Variants in FAF1 observed in about 807,000 individuals in gnomAD.
FAF1 encodes the protein FAS-associated factor 1.
FAF1 carries 25 observed loss-of-function variants against 92.5 expected under a neutral mutation model. The observed-to-expected ratio is 0.27, with a 90% CI of 0.20 to 0.38. The LOEUF is 0.38. Ranked by LOEUF, FAF1 falls within the 10% of genes least tolerant of loss-of-function variation. The pLI, the probability that FAF1 is intolerant of heterozygous loss-of-function variation, is 1.00. For synonymous variants in FAF1, 234 were observed against 273.2 expected, an observed-to-expected ratio of 0.86 and a Z score of 1.42; for missense variants, 636 against 793.3, an observed-to-expected ratio of 0.80 and a Z score of 2.38.
At chr1:50,507,324 C>T (rs1557973769) in intron 15 of FAF1, among the ~76,000 whole-genome samples, 1 of 152,158 alleles carries the variant, frequency 6.6e-6, no homozygotes, top group Non-Finnish European at 1.5e-5. Flanking sequence ...TCAAAATCTG[C>T]CCCCAAAGCT....
rs547222444 is a variant in FAF1 at position 50,890,623 on chromosome 1, C to T, written c.46-32626G>A. On this transcript the variant is annotated intron_variant, in intron 1 of 18. Coordinates refer to ENST00000396153, the MANE Select transcript of FAF1 (RefSeq NM_007051.3). ...TTTTATTTCCCCTTCACTTATGAAG[C>T]TTAGTTTGGCTGGATATGAAATTCT... is the stretch of plus-strand genomic sequence containing the variant. 4.6e-5 allele frequency among the ~76,000 whole-genome samples: 7 copies of T among 152,280 alleles called. No individual in the cohort carries two copies. In the East Asian group the frequency reaches 9.6e-4, roughly 21 times the overall value.
chr1:50,909,263 T>G (rs923217543), intron 1 of FAF1, among the ~76,000 whole-genome samples: 4 of 152,348 alleles, frequency 2.6e-5, no homozygotes, highest in Non-Finnish European at 5.9e-5. Flanking sequence ...CTGATGGACT[T>G]CCCTTTGTGG....
chr1:50,776,966 A>C (rs1660986395), intron 4 of FAF1, among the ~76,000 whole-genome samples: 2 of 152,064 alleles, frequency 1.3e-5, no homozygotes, highest in African/African-American at 4.8e-5. Flanking sequence ...TTAAAAAAAA[A>C]TATACAGAAT....
At chr1:50,873,414 G>C (rs1259922336) in intron 1 of FAF1, among the ~76,000 whole-genome samples, 1 of 152,006 alleles carries the variant, frequency 6.6e-6, no homozygotes, top group Non-Finnish European at 1.5e-5. Context: ...GAATCTTCAC[G>C]AAAATTTTAC....
intron 2 of FAF1, among the ~76,000 whole-genome samples, chr1:50,821,011 T>C (rs1462288466): frequency 1.3e-5 from 2 of 152,232 alleles, no homozygotes; most frequent in East Asian, 1.9e-4. Context: ...GCAAAAGTAA[T>C]TGCGGTTTTT....
intron 4 of FAF1, among the ~76,000 whole-genome samples, chr1:50,751,964 G>T (rs1162898548): frequency 2.0e-5 from 3 of 152,038 alleles, no homozygotes; most frequent in Non-Finnish European, 4.4e-5. Flanking sequence ...TTGTGGGAAG[G>T]TTTTGTTTTT....
At chr1:50,452,418 A>G (rs1161877434) in intron 18 of FAF1, among the ~76,000 whole-genome samples, 1 of 152,168 alleles carries the variant, frequency 6.6e-6, no homozygotes, top group African/African-American at 2.4e-5. Context: ...CAGGAACCTC[A>G]GAGCTGGGTT....
chr1:50,486,816 A>G (rs1381608453), intron 17 of FAF1, among the ~76,000 whole-genome samples: 1 of 152,210 alleles, frequency 6.6e-6, no homozygotes, highest in African/African-American at 2.4e-5. Context: ...AGTGAATAAA[A>G]GATCTGAGAC....
chr1:50,787,130 A>C (rs758690303), intron 4 of FAF1, among the ~76,000 whole-genome samples: 2 of 152,230 alleles, frequency 1.3e-5, no homozygotes, highest in Non-Finnish European at 2.9e-5. Flanking sequence ...AGTTCAACAT[A>C]GTTAAACTAT....
intron 1 of FAF1, among the ~76,000 whole-genome samples, chr1:50,923,551 A>T (rs1213229852): frequency 6.6e-6 from 1 of 152,232 alleles, no homozygotes; most frequent in Non-Finnish European, 1.5e-5. Context: ...AAAATTAAAA[A>T]GAAGGGAATT....
intron 17 of FAF1, among the ~76,000 whole-genome samples, chr1:50,484,626 A>G (rs1205877360): frequency 6.6e-6 from 1 of 152,148 alleles, no homozygotes; most frequent in Non-Finnish European, 1.5e-5. Flanking sequence ...AGGGATGATT[A>G]TAATTATGGC....
At chr1:50,869,548 C>G (rs1478654776) in intron 1 of FAF1, among the ~76,000 whole-genome samples, 1 of 152,094 alleles carries the variant, frequency 6.6e-6, no homozygotes, top group Admixed American at 6.5e-5. Flanking sequence ...ATTATCTCTC[C>G]TACATAATCA....
At chr1:50,463,552 G>A (rs1320363194) in intron 18 of FAF1, among the ~76,000 whole-genome samples, 1 of 152,208 alleles carries the variant, frequency 6.6e-6, no homozygotes, top group East Asian at 1.9e-4. Flanking sequence ...TGTGTGTGGT[G>A]CTGGAAATAG....
At chr1:50,716,297 T>TA (rs1658169247) in intron 6 of FAF1, among the ~76,000 whole-genome samples, 1 of 152,138 alleles carries the variant, frequency 6.6e-6, no homozygotes, top group South Asian at 2.1e-4. Context: ...AACTCCCTCT[T>TA]AAAGTCTTCA....
At chr1:50,869,765 CA>C (rs1254803635) in intron 1 of FAF1, among the ~76,000 whole-genome samples, 1 of 151,852 alleles carries the variant, frequency 6.6e-6, no homozygotes, top group Non-Finnish European at 1.5e-5. Context: ...TTATAAAATC[CA>C]ATCTATTCTA....
intron 15 of FAF1, among the ~76,000 whole-genome samples, chr1:50,506,582 A>G (rs1647061248): frequency 6.6e-6 from 1 of 152,188 alleles, no homozygotes; most frequent in South Asian, 2.1e-4. Flanking sequence ...CTGTATTATT[A>G]TAATTATATA....
At position 50,647,530 on chromosome 1, in the gene FAF1, T is replaced by C. The variant is rs898646734; in HGVS notation, c.744+7912A>G. On this transcript the variant is annotated intron_variant, in intron 8 of 18. Coordinates refer to ENST00000396153, the MANE Select transcript of FAF1 (RefSeq NM_007051.3). ...TTCAATTAAACTCTGTTAAATTTAATTTGTCTGAAGTTTTCTTTTAACAGA... is the reference window on the plus strand; with the variant it reads ...TTCAATTAAACTCTGTTAAATTTAACTTGTCTGAAGTTTTCTTTTAACAGA... 1.2e-4 allele frequency among the ~76,000 whole-genome samples: 18 copies of C among 152,208 alleles called. 1 individual carries two copies. Among genetic ancestry groups the C allele is most frequent in the Non-Finnish European group, 2.5e-4 (17 of 68,040 alleles).
rs1646626777 is a variant in FAF1 at position 50,475,449 on chromosome 1, G to C, written c.1869+15C>G. ...CCACCTGGATATACTTCCTGAGATAGGTATGGGAACTTACGTCTCTCCTAG... is the reference window on the plus strand; with the variant it reads ...CCACCTGGATATACTTCCTGAGATACGTATGGGAACTTACGTCTCTCCTAG... On this transcript the variant is annotated intron_variant, in intron 18 of 18. Coordinates refer to ENST00000396153, the MANE Select transcript of FAF1 (RefSeq NM_007051.3). 6.3e-7 allele frequency: 1 copy of C among 1,586,242 alleles called. No homozygotes were observed. Among genetic ancestry groups the C allele is most frequent in the African/African-American group, 1.3e-5 (1 of 74,230 alleles).
chr1:50,780,807 G>GCAGC, intron 4 of FAF1: 1 of 398,752 alleles, frequency 2.5e-6, no homozygotes, highest in Non-Finnish European at 5.0e-6. Context: ...TACGGAGTGA[G>GCAGC]CAGCCACCTT....
Sources: gnomAD v4.1 joint callset for allele counts (sites outside exome capture counted in the v4.1 genomes callset) on GRCh38, gnomAD v4.1.1 for gene constraint, MANE v1.5 for transcripts, NCBI Gene and HGNC (gene_info 2026-07-23, HGNC 2026-07-21) for gene names.